Variants in ABHD16A observed in about 807,000 individuals in gnomAD.
ABHD16A encodes abhydrolase domain containing 16A, phospholipase.
Under a neutral mutation model 89.8 loss-of-function variants are expected in ABHD16A, and 47 were observed. The ratio of observed to expected loss-of-function variants is 0.52; its 90% CI spans 0.41 to 0.67. The LOEUF (loss-of-function observed/expected upper bound fraction) is 0.67, where lower values mean the gene tolerates loss of function less well. Ranked by LOEUF, ABHD16A falls within the 30% of genes least tolerant of loss-of-function variation. The pLI, the probability that ABHD16A is intolerant of heterozygous loss-of-function variation, is 0.00. For missense variants in ABHD16A, 580 were observed against 734.6 expected (o/e 0.79, Z 2.43); for synonymous variants, 251 against 280.4 (o/e 0.90, Z 1.05).
chr6:31,689,937 C>G (rs1803706971), intron 11 of ABHD16A, 141 bp downstream of exon 11: 2 of 1,174,824 alleles, frequency 1.7e-6, no homozygotes, highest in Non-Finnish European at 2.3e-6. Context: ...CCAATGCTGC[C>G]TTCACAACCT....
intron 5 of ABHD16A, among the ~76,000 whole-genome samples, chr6:31,695,711 G>A (rs879738616): frequency 4.7e-5 from 7 of 147,690 alleles, no homozygotes; most frequent in South Asian, 4.3e-4. Context: ...CAACAAGAGC[G>A]AAACTCCATC....
At chr6:31,692,223 TATC>T in intron 7 of ABHD16A, 1 of 317,164 alleles carries the variant, frequency 3.2e-6, no homozygotes, top group Non-Finnish European at 5.8e-6. Flanking sequence ...AATGCAAAGT[TATC>T]ATCAGATTAT....
At chr6:31,702,786 G>A (rs1364333387) in intron 1 of ABHD16A, 7 of 1,460,912 alleles carry the variant, frequency 4.8e-6, no homozygotes, top group South Asian at 1.4e-5. Context: ...CACTGAAGAA[G>A]AGGAAACTGG....
At chr6:31,691,769 G>A in intron 8 of ABHD16A, 35 bp downstream of exon 8, 1 of 1,581,798 alleles carries the variant, frequency 6.3e-7, no homozygotes, top group Non-Finnish European at 8.6e-7. Flanking sequence ...TGAGAGGGGA[G>A]GGCTTTAGGG....
chr6:31,694,369 C>T (rs1232671699), intron 5 of ABHD16A, among the ~76,000 whole-genome samples: 5 of 140,880 alleles, frequency 3.5e-5, no homozygotes, highest in Admixed American at 7.3e-5. Flanking sequence ...CGTTTTTTGA[C>T]GGCAGTGGGA....
At chr6:31,703,126 T>C (rs1396009327) in intron 1 of ABHD16A, 24 bp downstream of exon 1, 1 of 1,412,398 alleles carries the variant, frequency 7.1e-7, no homozygotes, top group Non-Finnish European at 9.3e-7. Context: ...ACCACGTTCT[T>C]CGGTGGGGAG....
chr6:31,696,884 C>T, intron 5 of ABHD16A, 64 bp downstream of exon 5: 1 of 1,493,018 alleles, frequency 6.7e-7, no homozygotes, highest in African/African-American at 1.4e-5. Context: ...GTCTGGTGCT[C>T]TGAGGGACAA....
At position 31,687,401 on chromosome 6, in the gene ABHD16A, A is replaced by T. The variant is rs933862883; in HGVS notation, c.1593+97T>A. 1.1e-4 allele frequency: 174 copies of T among 1,606,240 alleles called. No individual in the cohort carries two copies. The highest frequency in any genetic ancestry group is 1.3e-4 in the Non-Finnish European group (156 of 1,174,208). On this transcript the variant is annotated intron_variant, in intron 19 of 19. Coordinates refer to ENST00000395952, the MANE Select transcript of ABHD16A (RefSeq NM_021160.3). The surrounding 1 kb of genome is among the most constrained non-coding windows in gnomAD (Gnocchi z 6.3). ...TTCCGCATCCACCACCCACTCTACA[A>T]AAGCTGCCACTTCCAATGCTTATAG... is the stretch of plus-strand genomic sequence containing the variant.
At chr6:31,691,076 C>G (rs1205104860) in intron 9 of ABHD16A, among the ~76,000 whole-genome samples, 1 of 152,086 alleles carries the variant, frequency 6.6e-6, no homozygotes, top group East Asian at 1.9e-4. Flanking sequence ...TGGGCAGAGC[C>G]AGGACTAGAA....
At chr6:31,702,171 G>A (rs746535470) in intron 1 of ABHD16A, 41 bp from the exon 2 acceptor site, 6 of 1,594,822 alleles carry the variant, frequency 3.8e-6, no homozygotes, top group Non-Finnish European at 5.2e-6. Context: ...CTGCCCACTG[G>A]CAGGTCCTTT....
chr6:31,701,960 C>T, intron 2 of ABHD16A, 114 bp downstream of exon 2: 1 of 1,167,482 alleles, frequency 8.6e-7, no homozygotes, highest in Non-Finnish European at 1.3e-6. Context: ...TGCTGCAGAG[C>T]CCAGGGCATC....
rs906784117 is a variant in ABHD16A at position 31,688,773 on chromosome 6, G to A, written c.1200C>T (p.Thr400=). 1 of 1,612,924 alleles carries A rather than the reference G, an allele frequency of 6.2e-7. No homozygotes were observed. ...VMPDSWRGLV[T]RTVRQHLNLN... ...GATTGAGATGCTGCCTCACGGTCCTGGTCACCAGGCCCCCTAGAGTGGGAT... is the reference window on the plus strand; with the variant it reads ...GATTGAGATGCTGCCTCACGGTCCTAGTCACCAGGCCCCCTAGAGTGGGAT... The change falls in exon 14 of 20, where the codon ACC becomes ACT. Residue 400 remains threonine (T), a synonymous_variant. Coordinates refer to ENST00000395952, the MANE Select transcript of ABHD16A (RefSeq NM_021160.3). The surrounding 1 kb of genome is among the most constrained non-coding windows in gnomAD (Gnocchi z 4.9).
In ABHD16A at chr6:31,693,225, G is replaced by C. The variant is rs1804080991; in HGVS notation, c.504-76C>G. 1.3e-6 allele frequency: 2 copies of C among 1,589,568 alleles called. No homozygotes were observed. The highest frequency in any genetic ancestry group is 1.7e-6 in the Non-Finnish European group (2 of 1,164,868). On this transcript the variant is annotated intron_variant, in intron 6 of 19. Transcript: ENST00000395952. The surrounding 1 kb of genome is among the most constrained non-coding windows in gnomAD (Gnocchi z 5.0). ...GATGTCTGAGGTCTGGAGAACAGTG[G>C]GGTCTAGGAACGACATAATGGCATT... is the stretch of plus-strand genomic sequence containing the variant.
intron 4 of ABHD16A, among the ~76,000 whole-genome samples, chr6:31,700,187 G>A (rs758899906): frequency 3.9e-4 from 59 of 151,466 alleles, no homozygotes; most frequent in African/African-American, 6.3e-4. Context: ...GTGCAGTAGC[G>A]CAATCTCGTC....
Position 31,691,646 on chromosome 6 carries a change from T to G in ABHD16A, c.776A>C (p.Asp259Ala). 1 of 1,605,458 alleles carries G rather than the reference T, an allele frequency of 6.2e-7. No homozygotes were observed. ...NGRRAKLLAC[D>A]GNEIDTMFVD... The stretch of plus-strand genomic sequence containing the variant: ...AAACATGGTGTCAATCTCATTGCCA[T>G]CACAGGCCAGCAGCTTTGCCCGGCG... The change falls in exon 9 of 20, where the codon GAT (aspartate) becomes GCT (alanine). Residue 259 changes from aspartate (D) to alanine (A), a missense_variant. By Grantham distance (126) the Asp-to-Ala change is moderately radical. Coordinates refer to ENST00000395952, the MANE Select transcript of ABHD16A (RefSeq NM_021160.3).
Position 31,687,664 on chromosome 6 carries a change from C to T in ABHD16A, c.1524G>A (p.Gly508=), listed in dbSNP as rs1349262737. ...SVLRSYQAEH[G]PDFPWSVGED... ...TACCCACGCTCCAGGGGAAGTCGGGCCCGTGTTCTGCCTGGTAGGAGCGGA... is the reference window on the plus strand; with the variant it reads ...TACCCACGCTCCAGGGGAAGTCGGGTCCGTGTTCTGCCTGGTAGGAGCGGA... The change falls in exon 18 of 20, where the codon GGG becomes GGA. Residue 508 remains glycine (G), a synonymous_variant. Transcript: ENST00000395952. The surrounding 1 kb of genome is among the most constrained non-coding windows in gnomAD (Gnocchi z 6.3). 2 of 1,612,816 alleles carry T rather than the reference C, an allele frequency of 1.2e-6. No individual in the cohort carries two copies. The highest frequency in any genetic ancestry group is 1.7e-5 in the Admixed American group (1 of 60,008).
chr6:31,687,266 G>A lies in ABHD16A; in HGVS notation c.1623C>T (p.Ala541=). The A allele has an allele frequency of 1.1e-5, 18 of 1,612,978 alleles. No individual in the cohort carries two copies. Among genetic ancestry groups the A allele is most frequent in the Non-Finnish European group, 1.5e-5 (18 of 1,179,984 alleles). The change falls in exon 20 of 20, where the codon GCC becomes GCT. Residue 541 remains alanine, a synonymous_variant. Transcript: ENST00000395952. The surrounding 1 kb of genome is among the most constrained non-coding windows in gnomAD (Gnocchi z 6.3). ...LARKHLHNFE[A]THCTPLPAQN... ...GGGCTGGGAGTGGGGTGCAGTGAGTGGCCTCAAAGTTGTGCAGATGCTTCC... is the reference window on the plus strand; with the variant it reads ...GGGCTGGGAGTGGGGTGCAGTGAGTAGCCTCAAAGTTGTGCAGATGCTTCC...
At chr6:31,694,367 G>C (rs921407453) in intron 5 of ABHD16A, among the ~76,000 whole-genome samples, 2 of 146,894 alleles carry the variant, frequency 1.4e-5, no homozygotes, top group Admixed American at 1.4e-4. Flanking sequence ...CACGTTTTTT[G>C]ACGGCAGTGG....
chr6:31,694,636 C>T (rs2151240143), intron 5 of ABHD16A, among the ~76,000 whole-genome samples: 1 of 152,168 alleles, frequency 6.6e-6, no homozygotes, highest in East Asian at 1.9e-4. Flanking sequence ...CGTGATCCAC[C>T]CGCCTCGGCC....
Sources: gnomAD v4.1 joint callset for allele counts (sites outside exome capture counted in the v4.1 genomes callset) on GRCh38, gnomAD v4.1.1 for gene constraint, Gnocchi (gnomAD v3.1) non-coding constraint, MANE v1.5 for transcripts, NCBI Gene and HGNC (gene_info 2026-07-23, HGNC 2026-07-21) for gene names.